Variants in TRIM5 observed in about 807,000 individuals in gnomAD.
TRIM5 encodes the protein tripartite motif containing 5, also known as tripartite motif-containing protein 5.
In TRIM5, 31 loss-of-function variants were observed where a neutral mutation model predicts 35.6. That is an observed-to-expected ratio of 0.87 (90% CI 0.65 to 1.18). The LOEUF is 1.18. Ranked by LOEUF, TRIM5 falls within the 50% of genes most tolerant of loss-of-function variation. TRIM5 has a pLI of 0.00. For synonymous variants in TRIM5, 243 were observed against 215.6 expected (o/e 1.13, Z -1.11); for missense variants, 609 against 591.6 (o/e 1.03, Z -0.31).
At chr11:5,613,151 C>G in the TRIM5 span, among the ~76,000 whole-genome samples, 1 of 152,202 alleles carries the variant, frequency 6.6e-6, no homozygotes, top group East Asian at 1.9e-4. Context: ...TCTACAGAAC[C>G]TGCACCTTCC....
At chr11:5,624,893 T>TC in the TRIM5 span, 2 of 152,316 alleles carry the variant, frequency 1.3e-5, no homozygotes, top group African/African-American at 4.8e-5. Context: ...CCTTTTCTCT[T>TC]CCTGACAGCC....
At chr11:5,603,505 C>G in the TRIM5 span, 1 of 1,614,080 alleles carries the variant, frequency 6.2e-7, no homozygotes, top group South Asian at 1.1e-5. Flanking sequence ...CAGCTACCAG[C>G]CAGGGAACCT....
intron 5 of TRIM5, chr11:5,666,414 CA>C (rs1211893886): frequency 4.0e-6 from 1 of 250,058 alleles, no homozygotes; most frequent in Non-Finnish European, 7.8e-6. Flanking sequence ...CAAAACAAAA[CA>C]AAACTTTGGT....
At chr11:5,660,435 C>G (rs1564900623), downstream of TRIM5, among the ~76,000 whole-genome samples, 1 of 152,126 alleles carries the variant, frequency 6.6e-6, no homozygotes, top group Non-Finnish European at 1.5e-5. Context: ...CCTGAATATT[C>G]TGATTGCTTG....
chr11:5,638,878 G>A, the TRIM5 span, among the ~76,000 whole-genome samples: 2 of 152,126 alleles, frequency 1.3e-5, no homozygotes, highest in African/African-American at 4.8e-5. Flanking sequence ...GAAGGTCAGA[G>A]TAACTATCAG....
chr11:5,605,458 G>A, the TRIM5 span: 21 of 1,614,074 alleles, frequency 1.3e-5, no homozygotes, highest in Non-Finnish European at 1.8e-5. Context: ...AAGGGGCTAC[G>A]AATTATAGAA....
chr11:5,604,801 A>G, the TRIM5 span: 18 of 612,502 alleles, frequency 2.9e-5, no homozygotes, highest in Non-Finnish European at 4.5e-5. Context: ...AGAGGAGGTA[A>G]ATAGCAAATA....
intron 4 of TRIM5, among the ~76,000 whole-genome samples, chr11:5,671,324 A>AC (rs1419770509): frequency 2.0e-5 from 3 of 151,150 alleles, no homozygotes; most frequent in African/African-American, 7.3e-5. Flanking sequence ...ACACAAAAAA[A>AC]CCCCACAAAA....
At chr11:5,632,301 T>C in the TRIM5 span, 1 of 1,613,702 alleles carries the variant, frequency 6.2e-7, no homozygotes, top group Non-Finnish European at 8.5e-7. Context: ...CCTCAGGAGT[T>C]AGGACCAGAA....
the TRIM5 span, among the ~76,000 whole-genome samples, chr11:5,644,883 C>T: frequency 3.9e-5 from 6 of 152,088 alleles, no homozygotes; most frequent in Admixed American, 2.0e-4. Flanking sequence ...TGGAGGGCCT[C>T]GCACCATCCC....
chr11:5,667,541 G>T, intron 5 of TRIM5, 148 bp downstream of exon 5: 1 of 885,274 alleles, frequency 1.1e-6, no homozygotes, highest in Non-Finnish European at 1.7e-6. Context: ...TTCGAATGCT[G>T]ATTTATGACC....
the TRIM5 span, among the ~76,000 whole-genome samples, chr11:5,615,577 G>GTTTTTTTTTT: frequency 9.1e-6 from 1 of 109,472 alleles, no homozygotes; most frequent in Non-Finnish European, 2.0e-5. Flanking sequence ...CTTGTTTTTT[G>GTTTTTTTTTT]TTTTTTTTTT....
chr11:5,665,893 C>CATATT, intron 6 of TRIM5, 88 bp downstream of exon 6: 1 of 1,374,900 alleles, frequency 7.3e-7, no homozygotes, highest in East Asian at 2.3e-5. Flanking sequence ...CCCCTCTATC[C>CATATT]ATATTTGGAA....
the TRIM5 span, among the ~76,000 whole-genome samples, chr11:5,650,303 C>A: frequency 6.6e-6 from 1 of 152,190 alleles, no homozygotes; most frequent in East Asian, 1.9e-4. Flanking sequence ...CAGTATATAA[C>A]ATACGTCTGG....
At chr11:5,682,222 G>A (rs1169951589) in intron 1 of TRIM5, among the ~76,000 whole-genome samples, 1 of 152,150 alleles carries the variant, frequency 6.6e-6, no homozygotes, top group Non-Finnish European at 1.5e-5. Context: ...TGGCCAACAT[G>A]GTGAAATTCT....
chr11:5,645,081 C>T, the TRIM5 span, among the ~76,000 whole-genome samples: 12 of 152,238 alleles, frequency 7.9e-5, no homozygotes, highest in African/African-American at 1.9e-4. Context: ...TAAAAAAGTA[C>T]GATAGGCTGG....
At chr11:5,672,882 A>G (rs1402277748) in intron 4 of TRIM5, among the ~76,000 whole-genome samples, 1 of 152,060 alleles carries the variant, frequency 6.6e-6, no homozygotes, top group African/African-American at 2.4e-5. Context: ...CAAGATGCAT[A>G]TTGTAATCAT....
intron 4 of TRIM5, among the ~76,000 whole-genome samples, chr11:5,672,493 G>C (rs1302594065): frequency 1.3e-5 from 2 of 152,112 alleles, no homozygotes; most frequent in African/African-American, 4.8e-5. Context: ...TTACAGGTGT[G>C]AGCCCCTGCA....
At chr11:5,670,779 G>T (rs1346623409) in intron 4 of TRIM5, among the ~76,000 whole-genome samples, 1 of 145,956 alleles carries the variant, frequency 6.9e-6, no homozygotes, top group African/African-American at 2.7e-5. Flanking sequence ...AAGATACATG[G>T]ACACACAGGA....
Sources: gnomAD v4.1 joint callset for allele counts (sites outside exome capture counted in the v4.1 genomes callset) on GRCh38, gnomAD v4.1.1 for gene constraint, MANE v1.5 for transcripts, NCBI Gene and HGNC (gene_info 2026-07-23, HGNC 2026-07-21) for gene names.